The following PIP5K1B variants were observed in gnomAD, a reference collection of about 807,000 sequenced individuals.
PIP5K1B encodes phosphatidylinositol-4-phosphate 5-kinase type 1 beta.
Under a neutral mutation model 67.0 loss-of-function variants are expected in PIP5K1B, and 42 were observed. The ratio of observed to expected loss-of-function variants is 0.63; its 90% CI spans 0.49 to 0.81. The LOEUF (loss-of-function observed/expected upper bound fraction) is 0.81. Among genes scored for constraint, PIP5K1B ranks in the 30% least tolerant of loss-of-function variants. The probability of loss-of-function intolerance (pLI) is 0.00; values close to 1 mark genes in which losing one functional copy is unlikely to be tolerated. For missense variants in PIP5K1B, 459 were observed against 646.3 expected (o/e 0.71, Z 3.14); for synonymous variants, 214 against 231.4 (o/e 0.92, Z 0.68).
intron 8 of PIP5K1B, among the ~76,000 whole-genome samples, chr9:68,910,618 C>G (rs1825805137): frequency 6.6e-6 from 1 of 152,132 alleles, no homozygotes; most frequent in Non-Finnish European, 1.5e-5. Context: ...GAAATGAAGT[C>G]TTGTGTGTAT....
intron 12 of PIP5K1B, among the ~76,000 whole-genome samples, chr9:68,934,405 T>C (rs1827150828): frequency 6.6e-6 from 1 of 152,160 alleles, no homozygotes; most frequent in African/African-American, 2.4e-5. Context: ...TTGGCTAAAT[T>C]GGGCAACATG....
At chr9:68,795,026 A>G (rs1832208992) in intron 2 of PIP5K1B, among the ~76,000 whole-genome samples, 1 of 152,186 alleles carries the variant, frequency 6.6e-6, no homozygotes, top group Non-Finnish European at 1.5e-5. Context: ...CTGTCTTTCA[A>G]GACGTCAGTT....
chr9:68,918,202 G>C (rs1790567146), intron 9 of PIP5K1B, among the ~76,000 whole-genome samples: 1 of 150,528 alleles, frequency 6.6e-6, no homozygotes, highest in African/African-American at 2.4e-5. Flanking sequence ...CGATTCTCCT[G>C]CCTCAGCCTC....
intron 2 of PIP5K1B, among the ~76,000 whole-genome samples, chr9:68,797,099 C>T (rs138437454): frequency 6.6e-5 from 10 of 152,294 alleles, no homozygotes; most frequent in Admixed American, 6.5e-4. Flanking sequence ...TGAATACTTA[C>T]TATGTACCTG....
intron 5 of PIP5K1B, among the ~76,000 whole-genome samples, chr9:68,871,588 G>T (rs113057966): frequency 2.2e-3 from 333 of 152,358 alleles, no homozygotes; most frequent in Middle Eastern, 0.014. Context: ...GCTGGTCTGT[G>T]ATTGAACTTT....
chr9:68,903,037 A>G (rs190622689), intron 8 of PIP5K1B, among the ~76,000 whole-genome samples: 2 of 152,332 alleles, frequency 1.3e-5, no homozygotes, highest in African/African-American at 2.4e-5. Context: ...GTGTGTTTCT[A>G]ATAATAAGCA....
At chr9:68,748,638 T>TTTG (rs1829453471) in intron 2 of PIP5K1B, among the ~76,000 whole-genome samples, 1 of 94,298 alleles carries the variant, frequency 1.1e-5, no homozygotes. Context: ...TTTTTTTGTT[T>TTTG]GAGACAGAGT....
intron 14 of PIP5K1B, among the ~76,000 whole-genome samples, chr9:68,952,047 G>A (rs1828103423): frequency 6.6e-6 from 1 of 151,958 alleles, no homozygotes; most frequent in South Asian, 2.1e-4. Flanking sequence ...CACCCTTCCA[G>A]TTTCCCTGTA....
intron 12 of PIP5K1B, among the ~76,000 whole-genome samples, chr9:68,928,754 T>C (rs1208088033): frequency 3.3e-5 from 5 of 152,212 alleles, no homozygotes. Flanking sequence ...GTGGGAAAGG[T>C]GATTCCTATC....
chr9:68,711,227 A>G (rs1003347381), intron 1 of PIP5K1B, among the ~76,000 whole-genome samples: 2 of 152,214 alleles, frequency 1.3e-5, no homozygotes, highest in South Asian at 2.1e-4. Flanking sequence ...TGGATTCGAC[A>G]TGTTTCATAG....
chr9:68,845,509 A>G (rs138047718), intron 4 of PIP5K1B, among the ~76,000 whole-genome samples: 1 of 152,240 alleles, frequency 6.6e-6, no homozygotes, highest in Non-Finnish European at 1.5e-5. Context: ...GGCCTCCGGG[A>G]ACAGGAGAAA....
At chr9:68,792,669 C>T (rs1396784706) in intron 2 of PIP5K1B, among the ~76,000 whole-genome samples, 1 of 152,100 alleles carries the variant, frequency 6.6e-6, no homozygotes, top group Non-Finnish European at 1.5e-5. Flanking sequence ...TTAGTAGAGA[C>T]AGGGTTTCGC....
intron 12 of PIP5K1B, among the ~76,000 whole-genome samples, chr9:68,932,680 T>C (rs1827059366): frequency 6.6e-6 from 1 of 152,112 alleles, no homozygotes; most frequent in African/African-American, 2.4e-5. Flanking sequence ...TATGAGAGAA[T>C]GAAAGTGAAA....
At chr9:68,747,676 A>C (rs1829388889) in intron 2 of PIP5K1B, among the ~76,000 whole-genome samples, 1 of 152,198 alleles carries the variant, frequency 6.6e-6, no homozygotes, top group Admixed American at 6.5e-5. Context: ...AAAAAATCAG[A>C]AGCGAATTTT....
At chr9:68,852,999 A>T (rs571111879) in intron 4 of PIP5K1B, among the ~76,000 whole-genome samples, 1 of 152,354 alleles carries the variant, frequency 6.6e-6, no homozygotes, top group East Asian at 1.9e-4. Context: ...AAAGTTTTGA[A>T]GGCCAAGCAA....
At chr9:69,007,556 A>G (rs1033445973) in intron 15 of PIP5K1B, among the ~76,000 whole-genome samples, 2 of 152,312 alleles carry the variant, frequency 1.3e-5, no homozygotes, top group East Asian at 1.9e-4. Flanking sequence ...TATTCTACAG[A>G]TGAAATAATT....
chr9:68,764,745 A>C (rs1461122041), intron 2 of PIP5K1B, among the ~76,000 whole-genome samples: 3 of 152,136 alleles, frequency 2.0e-5, no homozygotes, highest in Non-Finnish European at 1.5e-5. Flanking sequence ...GTTACAGGTG[A>C]TAAACTAAAG....
chr9:68,896,953 C>T (rs2132421601), intron 8 of PIP5K1B, among the ~76,000 whole-genome samples: 3 of 152,304 alleles, frequency 2.0e-5, no homozygotes, highest in Admixed American at 2.0e-4. Flanking sequence ...CCCCAAGGCT[C>T]AGAATCCCCT....
chr9:68,971,675 A>G (rs1259613308), intron 14 of PIP5K1B, among the ~76,000 whole-genome samples: 2 of 152,208 alleles, frequency 1.3e-5, no homozygotes, highest in African/African-American at 2.4e-5. Context: ...TGACATTTTA[A>G]TGATCGCCAT....
Sources: allele counts gnomAD v4.1 joint callset (sites outside exome capture counted in the v4.1 genomes callset), GRCh38; gene constraint gnomAD v4.1.1; transcripts MANE v1.5; gene names NCBI Gene and HGNC (gene_info 2026-07-23, HGNC 2026-07-21).